Variants in KDM4C observed in about 807,000 individuals in gnomAD.
The protein encoded by KDM4C is lysine demethylase 4C, also known as lysine-specific demethylase 4C.
In KDM4C, 81 loss-of-function variants were observed where a neutral mutation model predicts 129.3. The ratio of observed to expected loss-of-function variants is 0.63; its 90% CI spans 0.52 to 0.75. The LOEUF is 0.75. Ranked by LOEUF, KDM4C falls within the 30% of genes least tolerant of loss-of-function variation. The pLI is 0.00. For missense variants in KDM4C, 1,457 were observed against 1,304.0 expected, an observed-to-expected ratio of 1.12 and a Z score of -1.81; for synonymous variants, 573 against 456.1, an observed-to-expected ratio of 1.26 and a Z score of -3.26.
intron 17 of KDM4C, among the ~76,000 whole-genome samples, chr9:7,097,047 C>G (rs1836522820): frequency 6.6e-6 from 1 of 152,198 alleles, no homozygotes; most frequent in Non-Finnish European, 1.5e-5. Context: ...AGCTTTATTA[C>G]TTCCATCTAG....
chr9:6,897,051 G>T (rs953556234), intron 8 of KDM4C, among the ~76,000 whole-genome samples: 1 of 152,188 alleles, frequency 6.6e-6, no homozygotes, highest in Non-Finnish European at 1.5e-5. Flanking sequence ...CCAAATTTTA[G>T]CAAATTCCTG....
intron 15 of KDM4C, among the ~76,000 whole-genome samples, chr9:7,030,496 G>T (rs1005816045): frequency 6.6e-6 from 1 of 152,130 alleles, no homozygotes; most frequent in Admixed American, 6.5e-5. Context: ...AGGTTCATCA[G>T]TTGTAACAAA....
In KDM4C at chr9:7,020,268, A is replaced by G. The variant is rs117846409; in HGVS notation, c.2259+4339A>G. ...CCAACTTCAACTGAAATGAAATGAT[A>G]CAAAGAACTCCACAAATAACTGTCA... is the stretch of plus-strand genomic sequence containing the variant. On this transcript the variant is annotated intron_variant, in intron 15 of 21. Transcript: ENST00000381309. 8.3e-3 allele frequency among the ~76,000 whole-genome samples: 1,266 copies of G among 152,360 alleles called. 7 individuals carry two copies. Among genetic ancestry groups the G allele is most frequent in the Non-Finnish European group, 0.014 (946 of 68,028 alleles).
chr9:7,022,752 T>G (rs539143816), intron 15 of KDM4C, among the ~76,000 whole-genome samples: 1 of 152,056 alleles, frequency 6.6e-6, no homozygotes, highest in Non-Finnish European at 1.5e-5. Context: ...AGGCTTTCAG[T>G]TTTTCACCAC....
At chr9:7,095,890 A>G (rs1836373932) in intron 17 of KDM4C, among the ~76,000 whole-genome samples, 1 of 152,236 alleles carries the variant, frequency 6.6e-6, no homozygotes, top group African/African-American at 2.4e-5. Context: ...GGATTTGTGT[A>G]AACAGTAATT....
chr9:7,035,695 T>G (rs1228951426), intron 15 of KDM4C, among the ~76,000 whole-genome samples: 1 of 152,150 alleles, frequency 6.6e-6, no homozygotes, highest in Admixed American at 6.6e-5. Context: ...CTTTCATTCT[T>G]CTGCATGTGG....
intron 19 of KDM4C, among the ~76,000 whole-genome samples, chr9:7,136,483 C>G (rs1841219200): frequency 6.6e-6 from 1 of 152,178 alleles, no homozygotes. Context: ...CACATCCTCA[C>G]CAACACCTGT....
chr9:6,904,181 G>A (rs1037871971), intron 8 of KDM4C, among the ~76,000 whole-genome samples: 31 of 152,138 alleles, frequency 2.0e-4, no homozygotes, highest in African/African-American at 7.5e-4. Flanking sequence ...AGAGGTTGTG[G>A]TGAGCTGACA....
At chr9:6,896,878 G>T (rs1224003946) in intron 8 of KDM4C, among the ~76,000 whole-genome samples, 1 of 152,196 alleles carries the variant, frequency 6.6e-6, no homozygotes, top group Admixed American at 6.5e-5. Context: ...ACTTCTTCTG[G>T]TGTCCCTGGA....
intron 8 of KDM4C, among the ~76,000 whole-genome samples, chr9:6,919,376 C>T (rs1466844386): frequency 6.7e-6 from 1 of 150,184 alleles, no homozygotes; most frequent in Non-Finnish European, 1.5e-5. Flanking sequence ...TGTAAGGTGT[C>T]TGTTTACTTT....
intron 17 of KDM4C, among the ~76,000 whole-genome samples, chr9:7,084,267 G>A (rs1283660864): frequency 6.6e-6 from 1 of 152,156 alleles, no homozygotes; most frequent in African/African-American, 2.4e-5. Context: ...TGTGAGAATG[G>A]CATAGTTCAT....
At chr9:6,866,908 T>TATATATATAC (rs1469214711) in intron 5 of KDM4C, among the ~76,000 whole-genome samples, 2 of 135,584 alleles carry the variant, frequency 1.5e-5, no homozygotes, top group African/African-American at 5.9e-5. Flanking sequence ...TATATACATA[T>TATATATATAC]ATATATATAT....
intron 1 of KDM4C, among the ~76,000 whole-genome samples, chr9:6,733,095 A>C (rs1159735667): frequency 6.6e-6 from 1 of 152,256 alleles, no homozygotes; most frequent in Admixed American, 6.5e-5. Context: ...GACCTCATCC[A>C]GTTTTGTTTT....
rs533629784 is a variant in KDM4C, at chr9:7,019,985, C to G, written c.2259+4056C>G. On this transcript the variant is annotated intron_variant, in intron 15 of 21. Transcript: ENST00000381309. ...TCTAAAGAGTAGATGTCGCTCTAGA[C>G]TCAAATTAGGAAGATAGAGATCATA... Among the ~76,000 whole-genome samples the G allele has an allele frequency of 4.6e-5, 7 of 151,920 alleles. No individual in the cohort carries two copies. In the South Asian group the frequency reaches 1.5e-3, roughly 32 times the overall value.
At chr9:7,164,577 A>T (rs1844169055) in intron 19 of KDM4C, among the ~76,000 whole-genome samples, 2 of 152,160 alleles carry the variant, frequency 1.3e-5, no homozygotes, top group African/African-American at 4.8e-5. Flanking sequence ...GGGCCGTGCT[A>T]AACAGGACAC....
At chr9:6,836,154 C>T (rs1444968305) in intron 4 of KDM4C, among the ~76,000 whole-genome samples, 1 of 152,022 alleles carries the variant, frequency 6.6e-6, no homozygotes, top group Non-Finnish European at 1.5e-5. Context: ...AATAAAAGTG[C>T]ACAACTTAAA....
At chr9:6,752,328 G>A (rs1418738100) in intron 1 of KDM4C, among the ~76,000 whole-genome samples, 2 of 39,068 alleles carry the variant, frequency 5.1e-5, no homozygotes, top group Admixed American at 3.8e-4. Flanking sequence ...GCGAAACTCC[G>A]TCTCAAAAAA....
At chr9:6,819,253 G>C (rs1249587032) in intron 4 of KDM4C, among the ~76,000 whole-genome samples, 1 of 152,162 alleles carries the variant, frequency 6.6e-6, no homozygotes, top group Non-Finnish European at 1.5e-5. Context: ...GTAAAGATGA[G>C]GTTGATGGAC....
At chr9:7,093,662 A>G (rs1836076250) in intron 17 of KDM4C, among the ~76,000 whole-genome samples, 1 of 152,214 alleles carries the variant, frequency 6.6e-6, no homozygotes, top group East Asian at 1.9e-4. Context: ...ACTTTTTAGT[A>G]TTTAAAATAT....
Sources: gnomAD v4.1 joint callset for allele counts (sites outside exome capture counted in the v4.1 genomes callset) on GRCh38, gnomAD v4.1.1 for gene constraint, MANE v1.5 for transcripts, NCBI Gene and HGNC (gene_info 2026-07-23, HGNC 2026-07-21) for gene names.